Variants in PDE12 observed in about 807,000 individuals in gnomAD.
PDE12 encodes 2',5'-phosphodiesterase 12.
In PDE12, 26 loss-of-function variants were observed where a neutral mutation model predicts 45.4. The observed-to-expected ratio is 0.57, with a 90% CI of 0.42 to 0.79. The LOEUF (loss-of-function observed/expected upper bound fraction) is 0.79. PDE12 is among the 30% of genes least tolerant of loss of function. The pLI is 0.00. For synonymous variants in PDE12, 283 were observed against 323.9 expected, an observed-to-expected ratio of 0.87 and a Z score of 1.36; for missense variants, 668 against 790.0, an observed-to-expected ratio of 0.85 and a Z score of 1.85.
At chr3:57,600,943 A>G in the PDE12 span, 1 of 152,158 alleles carries the variant, frequency 6.6e-6, no homozygotes, top group Non-Finnish European at 1.5e-5. Context: ...TCTTATTTTT[A>G]AAAATGAGGA....
chr3:57,637,155 T>G, the PDE12 span, among the ~76,000 whole-genome samples: 1 of 152,170 alleles, frequency 6.6e-6, no homozygotes, highest in African/African-American at 2.4e-5. Flanking sequence ...AGAGTTTATT[T>G]ATGATGCCCA....
chr3:57,652,388 C>G, the PDE12 span, among the ~76,000 whole-genome samples: 5 of 152,078 alleles, frequency 3.3e-5, no homozygotes, highest in Non-Finnish European at 5.9e-5. Flanking sequence ...TGCGAGTAAG[C>G]CTTGTAGGGA....
At chr3:57,646,483 C>T in the PDE12 span, 4 of 1,553,438 alleles carry the variant, frequency 2.6e-6, no homozygotes. Context: ...TGTAGCCAAT[C>T]CTGTTTTTAA....
the PDE12 span, chr3:57,597,412 T>C: frequency 6.3e-6 from 2 of 315,854 alleles, no homozygotes; most frequent in Non-Finnish European, 1.2e-5. Context: ...CCGCGGCGAC[T>C]CCAGCAGCGG....
chr3:57,597,020 T>C, the PDE12 span: 7 of 1,581,276 alleles, frequency 4.4e-6, no homozygotes, highest in Non-Finnish European at 6.1e-6. Context: ...GCCACCCCAA[T>C]TGTGGAGACC....
At chr3:57,654,693 C>T in the PDE12 span, 5 of 985,132 alleles carry the variant, frequency 5.1e-6, no homozygotes, top group Non-Finnish European at 6.0e-6. Flanking sequence ...ATCAAGAAAG[C>T]TGAAACCAAA....
the PDE12 span, among the ~76,000 whole-genome samples, chr3:57,634,208 G>A: frequency 1.3e-5 from 2 of 151,966 alleles, no homozygotes; most frequent in African/African-American, 2.4e-5. Flanking sequence ...CGAGGTGGGC[G>A]TATCACTTAA....
chr3:57,575,513 A>G, the PDE12 span: 2 of 1,581,966 alleles, frequency 1.3e-6, no homozygotes, highest in Non-Finnish European at 1.7e-6. Context: ...AAGTCTTAAT[A>G]GTCAAGAGGT....
chr3:57,603,099 G>A, the PDE12 span, among the ~76,000 whole-genome samples: 3 of 151,756 alleles, frequency 2.0e-5, no homozygotes, highest in Admixed American at 6.5e-5. Context: ...CCCGGGAGGC[G>A]GAGGTTGCAG....
At chr3:57,603,116 A>G in the PDE12 span, among the ~76,000 whole-genome samples, 1 of 151,854 alleles carries the variant, frequency 6.6e-6, no homozygotes, top group Admixed American at 6.6e-5. Flanking sequence ...GCAGTGAGCC[A>G]AGATCGTGCC....
chr3:57,560,701 A>G lies in PDE12; in HGVS notation c.*697A>G. ...TTAAAGTACCATTTGAATGATCTTA[A>G]TTTTTCTTTCATGACAACACATTCC... On this transcript the variant is annotated 3_prime_UTR_variant, in exon 3 of 3. Coordinates refer to ENST00000311180, the MANE Select transcript of PDE12 (RefSeq NM_177966.7). 1.0e-6 allele frequency: 1 copy of G among 983,880 alleles called. No homozygotes were observed. Among genetic ancestry groups the G allele is most frequent in the African/African-American group, 1.7e-5 (1 of 57,282 alleles). The allele number at this position is 983,880 out of a possible 1,614,324, so 60.9% of individuals were successfully genotyped here.
chr3:57,572,351 C>A, the PDE12 span: 1 of 1,328,726 alleles, frequency 7.5e-7, no homozygotes. Context: ...TATATAACAC[C>A]AGTGTTTAAA....
chr3:57,655,999 A>G, the PDE12 span, among the ~76,000 whole-genome samples: 6 of 152,216 alleles, frequency 3.9e-5, no homozygotes, highest in Admixed American at 3.9e-4. Context: ...TTTTGCCTGT[A>G]ATATTTATTC....
At chr3:57,631,716 C>CTTT in the PDE12 span, among the ~76,000 whole-genome samples, 229 of 91,994 alleles carry the variant, frequency 2.5e-3, no homozygotes, top group African/African-American at 3.2e-3. Context: ...TCTCTGCTCT[C>CTTT]TTTTTTTTTT....
the PDE12 span, chr3:57,630,602 C>A: frequency 1.3e-6 from 2 of 1,520,282 alleles, no homozygotes; most frequent in South Asian, 2.5e-5. Context: ...AGTCAGAGAA[C>A]CATGTCAAAC....
At chr3:57,596,146 C>T in the PDE12 span, among the ~76,000 whole-genome samples, 3 of 152,098 alleles carry the variant, frequency 2.0e-5, no homozygotes, top group African/African-American at 7.2e-5. Context: ...GCCCTTCTCC[C>T]TCAGCTGAGC....
the PDE12 span, among the ~76,000 whole-genome samples, chr3:57,642,435 G>A: frequency 4.6e-5 from 7 of 151,936 alleles, no homozygotes; most frequent in Non-Finnish European, 5.9e-5. Flanking sequence ...ATGAGTGGGC[G>A]TTTTTTGCCA....
chr3:57,598,597 C>T, the PDE12 span, among the ~76,000 whole-genome samples: 4 of 152,042 alleles, frequency 2.6e-5, no homozygotes, highest in African/African-American at 9.7e-5. Context: ...CTGGCTAACA[C>T]GGTGAAACCC....
At chr3:57,570,955 GCCCCTCCCCACCC>G (rs2069835700), downstream of PDE12, among the ~76,000 whole-genome samples, 1 of 149,250 alleles carries the variant, frequency 6.7e-6, no homozygotes, top group Admixed American at 6.7e-5. Context: ...TCCACATGCC[GCCCCTCCCCACCC>G]CCCACCTGAT....
Sources: allele counts gnomAD v4.1 joint callset (sites outside exome capture counted in the v4.1 genomes callset), GRCh38; gene constraint gnomAD v4.1.1; transcripts MANE v1.5; gene names NCBI Gene and HGNC (gene_info 2026-07-23, HGNC 2026-07-21).